Variants in NWD2 observed in about 807,000 individuals in gnomAD.
NWD2 encodes NACHT and WD repeat domain containing 2, also known as NACHT and WD repeat domain-containing protein 2.
In NWD2, 37 loss-of-function variants were observed where a neutral mutation model predicts 132.7. The ratio of observed to expected loss-of-function variants is 0.28; its 90% CI spans 0.21 to 0.37. The LOEUF (loss-of-function observed/expected upper bound fraction) is 0.37, where lower values mean the gene tolerates loss of function less well. Among genes scored for constraint, NWD2 ranks in the 10% least tolerant of loss-of-function variants. NWD2 has a pLI of 1.00. For missense variants in NWD2, 1,592 were observed against 2,122.4 expected, an observed-to-expected ratio of 0.75 and a Z score of 4.91; for synonymous variants, 705 against 803.0, an observed-to-expected ratio of 0.88 and a Z score of 2.06.
chr4:37,365,268 A>G (rs1720074540), intron 3 of NWD2, among the ~76,000 whole-genome samples: 2 of 152,228 alleles, frequency 1.3e-5, no homozygotes, highest in Non-Finnish European at 2.9e-5. Context: ...TTTTAGGTAT[A>G]CAAAACAAAA....
chr4:37,268,390 A>G (rs1717800836), intron 1 of NWD2, among the ~76,000 whole-genome samples: 1 of 151,904 alleles, frequency 6.6e-6, no homozygotes, highest in Admixed American at 6.6e-5. Flanking sequence ...TTAACCTTTA[A>G]TCATAGATCT....
intron 1 of NWD2, among the ~76,000 whole-genome samples, chr4:37,255,817 T>C (rs1425925679): frequency 2.6e-5 from 4 of 152,036 alleles, no homozygotes; most frequent in African/African-American, 4.8e-5. Flanking sequence ...GGGACAGAAA[T>C]AATACTAAAC....
At chr4:37,417,912 GAT>G (rs1711673030) in intron 3 of NWD2, among the ~76,000 whole-genome samples, 1 of 152,098 alleles carries the variant, frequency 6.6e-6, no homozygotes, top group African/African-American at 2.4e-5. Flanking sequence ...ATACAGTAGA[GAT>G]AGAAATATTT....
In NWD2 at chr4:37,245,040, C is replaced by G. The variant is rs1305742405; in HGVS notation, c.-28C>G. 1.3e-6 allele frequency: 2 copies of G among 1,541,162 alleles called. No individual in the cohort carries two copies. The highest frequency in any genetic ancestry group is 1.7e-6 in the Non-Finnish European group (2 of 1,145,936). Reference sequence around the variant, plus strand: ...CCCGAGGAGCAGGAGGTGGCGGCGGCGGCAGTGGCTGTTCCTCCCAGAGGG... The same window carrying G: ...CCCGAGGAGCAGGAGGTGGCGGCGGGGGCAGTGGCTGTTCCTCCCAGAGGG... On this transcript the variant is annotated 5_prime_UTR_variant, in exon 1 of 7. Coordinates refer to ENST00000309447, the MANE Select transcript of NWD2 (RefSeq NM_001144990.2).
chr4:37,357,555 A>C (rs1719895724), intron 3 of NWD2, among the ~76,000 whole-genome samples: 1 of 152,084 alleles, frequency 6.6e-6, no homozygotes, highest in Non-Finnish European at 1.5e-5. Context: ...GGTTGCTCTT[A>C]GGTGCTGGGG....
chr4:37,407,217 A>G (rs189790881), intron 3 of NWD2, among the ~76,000 whole-genome samples: 213 of 152,282 alleles, frequency 1.4e-3, no homozygotes, highest in African/African-American at 4.6e-3. Flanking sequence ...TGTATCCCAG[A>G]ACTTAAAGAA....
intron 1 of NWD2, among the ~76,000 whole-genome samples, chr4:37,250,305 GGTT>G (rs1474944225): frequency 2.6e-5 from 4 of 152,154 alleles, no homozygotes; most frequent in Non-Finnish European, 4.4e-5. Flanking sequence ...AAATTTTAGT[GGTT>G]GTATCTTCTA....
intron 2 of NWD2, among the ~76,000 whole-genome samples, chr4:37,329,782 T>G (rs1427537257): frequency 6.6e-6 from 1 of 151,920 alleles, no homozygotes; most frequent in African/African-American, 2.4e-5. Context: ...ATTAAGAGGT[T>G]TGCTCAGGTT....
intron 1 of NWD2, among the ~76,000 whole-genome samples, chr4:37,284,701 G>C (rs1010322944): frequency 6.6e-6 from 1 of 152,210 alleles, no homozygotes; most frequent in African/African-American, 2.4e-5. Flanking sequence ...CAGATGAGGT[G>C]CATGTAGTTC....
intron 3 of NWD2, among the ~76,000 whole-genome samples, chr4:37,399,791 GCCAGTGGCATCTA>G (rs1280644458): frequency 2.6e-5 from 4 of 152,158 alleles, no homozygotes; most frequent in Non-Finnish European, 5.9e-5. Flanking sequence ...ACAGTCCCAT[GCCAGTGGCATCTA>G]TATCACCTAG....
At chr4:37,334,040 A>G (rs1307013181) in intron 2 of NWD2, among the ~76,000 whole-genome samples, 1 of 152,082 alleles carries the variant, frequency 6.6e-6, no homozygotes, top group Non-Finnish European at 1.5e-5. Context: ...AGAATAAAGA[A>G]TGAAGCATGC....
At chr4:37,381,723 G>A (rs979508430) in intron 3 of NWD2, among the ~76,000 whole-genome samples, 2 of 152,134 alleles carry the variant, frequency 1.3e-5, no homozygotes, top group African/African-American at 4.8e-5. Flanking sequence ...CAGAGGTTCT[G>A]TACCAAGCTG....
At chr4:37,249,606 A>G (rs1717312216) in intron 1 of NWD2, among the ~76,000 whole-genome samples, 1 of 152,208 alleles carries the variant, frequency 6.6e-6, no homozygotes, top group Admixed American at 6.5e-5. Context: ...CATAAGATTA[A>G]GATACTTCTC....
chr4:37,397,341 AT>A (rs1486750560), intron 3 of NWD2, among the ~76,000 whole-genome samples: 1 of 152,066 alleles, frequency 6.6e-6, no homozygotes, highest in Non-Finnish European at 1.5e-5. Flanking sequence ...ACCAGTCTGT[AT>A]TTTTCTGTGA....
chr4:37,302,827 T>C (rs1718635358), intron 1 of NWD2, among the ~76,000 whole-genome samples: 1 of 152,184 alleles, frequency 6.6e-6, no homozygotes. Context: ...GTTTTGGCTG[T>C]TGAGTTCCTT....
chr4:37,288,694 A>G (rs1269367711), intron 1 of NWD2, among the ~76,000 whole-genome samples: 1 of 152,242 alleles, frequency 6.6e-6, no homozygotes. Flanking sequence ...GTCAGGGTCC[A>G]TATGCACAGT....
At chr4:37,310,887 G>C (rs1272068923) in intron 1 of NWD2, among the ~76,000 whole-genome samples, 2 of 147,248 alleles carry the variant, frequency 1.4e-5, no homozygotes, top group African/African-American at 2.5e-5. Context: ...TGCAGTGTTT[G>C]GTTTTTTGTC....
chr4:37,348,675 TAC>T (rs1172614596), intron 2 of NWD2, among the ~76,000 whole-genome samples: 21 of 22,572 alleles, frequency 9.3e-4, no homozygotes, highest in South Asian at 4.3e-3. Flanking sequence ...TATATATATA[TAC>T]ACACACACAC....
chr4:37,377,904 C>T (rs1720376619), intron 3 of NWD2, among the ~76,000 whole-genome samples: 2 of 151,942 alleles, frequency 1.3e-5, no homozygotes, highest in South Asian at 4.2e-4. Context: ...TTAAATGTTT[C>T]ACCACAAAAA....
Sources: allele counts gnomAD v4.1 joint callset (sites outside exome capture counted in the v4.1 genomes callset), GRCh38; gene constraint gnomAD v4.1.1; transcripts MANE v1.5; gene names NCBI Gene and HGNC (gene_info 2026-07-23, HGNC 2026-07-21).